SLC5A4: variants seen among roughly 807,000 people sequenced by gnomAD.
SLC5A4 encodes probable glucose sensor protein SLC5A4.
SLC5A4 carries 55 observed loss-of-function variants against 70.3 expected under a neutral mutation model. That is an observed-to-expected ratio of 0.78 (90% CI 0.63 to 0.98). SLC5A4 has a LOEUF of 0.98. SLC5A4 is among the 50% of genes least tolerant of loss of function. The pLI, the probability that SLC5A4 is intolerant of heterozygous loss-of-function variation, is 0.00. For missense variants in SLC5A4, 735 were observed against 839.2 expected, an observed-to-expected ratio of 0.88 and a Z score of 1.53; for synonymous variants, 268 against 305.7, an observed-to-expected ratio of 0.88 and a Z score of 1.29.
At chr22:32,316,758 G>C in the SLC5A4 span, among the ~76,000 whole-genome samples, 1 of 151,586 alleles carries the variant, frequency 6.6e-6, no homozygotes, top group South Asian at 2.1e-4. Flanking sequence ...GTCTGGTCTC[G>C]AACTCCTGAC....
At chr22:32,326,242 T>TG in the SLC5A4 span, among the ~76,000 whole-genome samples, 1 of 150,124 alleles carries the variant, frequency 6.7e-6, no homozygotes, top group Admixed American at 6.6e-5. Context: ...TGTATGCACG[T>TG]GGGGTATGGG....
chr22:32,289,424 AGAGT>A, the SLC5A4 span, among the ~76,000 whole-genome samples: 148 of 152,270 alleles, frequency 9.7e-4, 2 homozygotes, highest in African/African-American at 3.4e-3. Context: ...TGTTCTCGTG[AGAGT>A]GAGTGAGTTC....
intron 9 of SLC5A4, among the ~76,000 whole-genome samples, chr22:32,232,632 T>A (rs532018355): frequency 6.6e-6 from 1 of 152,160 alleles, no homozygotes; most frequent in Admixed American, 6.6e-5. Flanking sequence ...TCTCTGGACT[T>A]CCTTAAATCT....
chr22:32,271,825 C>G, the SLC5A4 span: 11 of 607,914 alleles, frequency 1.8e-5, no homozygotes, highest in African/African-American at 2.0e-4. Flanking sequence ...CCTATGATTC[C>G]CCGTGGCCTG....
intron 5 of SLC5A4, among the ~76,000 whole-genome samples, chr22:32,239,518 TTATATATATA>T (rs1173210993): frequency 7.1e-4 from 18 of 25,222 alleles, no homozygotes; most frequent in South Asian, 1.4e-3. Flanking sequence ...GGAGTGCATA[TTATATATATA>T]TATATATATA....
At chr22:32,280,556 G>A in the SLC5A4 span, among the ~76,000 whole-genome samples, 6 of 152,166 alleles carry the variant, frequency 3.9e-5, no homozygotes, top group Non-Finnish European at 8.8e-5. Flanking sequence ...GCACGAGCTG[G>A]ACTCTCCTCC....
chr22:32,284,009 C>T, the SLC5A4 span, among the ~76,000 whole-genome samples: 1 of 150,832 alleles, frequency 6.6e-6, no homozygotes, highest in African/African-American at 2.4e-5. Context: ...TATAGAACCA[C>T]AGAATCATTT....
intron 3 of SLC5A4, among the ~76,000 whole-genome samples, chr22:32,249,393 G>A (rs190522934): frequency 1.3e-4 from 20 of 152,272 alleles, no homozygotes; most frequent in Admixed American, 1.0e-3. Context: ...TCAGTTCTCT[G>A]CAGCCTGCTC....
chr22:32,253,917 A>G (rs1927313323), intron 2 of SLC5A4, among the ~76,000 whole-genome samples: 2 of 151,974 alleles, frequency 1.3e-5, no homozygotes, highest in African/African-American at 4.8e-5. Context: ...AGTAGCTGGG[A>G]TTACAGGCAT....
At chr22:32,272,298 G>C in the SLC5A4 span, 1 of 814,484 alleles carries the variant, frequency 1.2e-6, no homozygotes, top group South Asian at 1.4e-5. Context: ...TTACGAGAAG[G>C]AGCAGAAGGG....
chr22:32,228,081 G>A (rs895824128), intron 11 of SLC5A4, among the ~76,000 whole-genome samples: 3 of 152,170 alleles, frequency 2.0e-5, no homozygotes, highest in Non-Finnish European at 4.4e-5. Flanking sequence ...TTGGAACGAG[G>A]TGGCCCAAGA....
chr22:32,344,657 T>C, the SLC5A4 span, among the ~76,000 whole-genome samples: 2 of 152,188 alleles, frequency 1.3e-5, no homozygotes, highest in Non-Finnish European at 2.9e-5. Context: ...AATTTCATCA[T>C]ACACATTAAA....
At chr22:32,227,885 TG>T (rs1290768921) in intron 11 of SLC5A4, among the ~76,000 whole-genome samples, 1 of 150,568 alleles carries the variant, frequency 6.6e-6, no homozygotes, top group Non-Finnish European at 1.5e-5. Flanking sequence ...GAGAATCGCT[TG>T]AACTCGGGAG....
At chr22:32,277,416 A>T in the SLC5A4 span, among the ~76,000 whole-genome samples, 2,018 of 152,314 alleles carry the variant, frequency 0.013, 19 homozygotes, top group South Asian at 0.033. Context: ...AATCGAATTC[A>T]TAGATTCTAA....
At chr22:32,349,926 A>G in the SLC5A4 span, among the ~76,000 whole-genome samples, 1 of 152,160 alleles carries the variant, frequency 6.6e-6, no homozygotes, top group African/African-American at 2.4e-5. Flanking sequence ...TACCATAAAT[A>G]CACCTTCTTA....
the SLC5A4 span, among the ~76,000 whole-genome samples, chr22:32,332,614 G>A: frequency 1.4e-4 from 22 of 152,316 alleles, no homozygotes; most frequent in South Asian, 6.2e-4. Flanking sequence ...CTGCCCTGGC[G>A]TTGGGAGTGG....
At chr22:32,352,084 G>C in the SLC5A4 span, among the ~76,000 whole-genome samples, 2 of 151,976 alleles carry the variant, frequency 1.3e-5, no homozygotes, top group African/African-American at 4.8e-5. Flanking sequence ...ATACTACACA[G>C]CCATAAAAAA....
chr22:32,224,294 G>C lies in SLC5A4; in HGVS notation c.1638C>G (p.Leu546=). ...GSMLVTLGIS[L]LTKPIPDVHL... Reference sequence around the variant, plus strand: ...GTACATCAGGAATGGGTTTTGTTAAGAGGGAAATTCCCAGGGTGACCAGCA... The same window carrying C: ...GTACATCAGGAATGGGTTTTGTTAACAGGGAAATTCCCAGGGTGACCAGCA... The change falls in exon 13 of 15, where the codon CTC becomes CTG. Residue 546 remains leucine (L), a synonymous_variant. Coordinates refer to ENST00000266086, the MANE Select transcript of SLC5A4 (RefSeq NM_014227.3). 1.2e-6 allele frequency: 2 copies of C among 1,613,684 alleles called. No homozygotes were observed. Among genetic ancestry groups the C allele is most frequent in the Admixed American group, 1.7e-5 (1 of 60,018 alleles).
chr22:32,218,759 T>A (rs1367190815), intron 14 of SLC5A4, 34 bp from the exon 15 acceptor site: 1 of 1,521,786 alleles, frequency 6.6e-7, no homozygotes, highest in African/African-American at 1.4e-5. Context: ...TTGCAGAAGA[T>A]CTAGATCACA....
Sources: gnomAD v4.1 joint callset for allele counts (sites outside exome capture counted in the v4.1 genomes callset) on GRCh38, gnomAD v4.1.1 for gene constraint, MANE v1.5 for transcripts, NCBI Gene and HGNC (gene_info 2026-07-23, HGNC 2026-07-21) for gene names.